The following SYNPO variants were observed in gnomAD, a reference collection of about 807,000 sequenced individuals.
The protein encoded by SYNPO is synaptopodin.
A neutral mutation model predicts 49.5 loss-of-function variants in SYNPO; 19 were observed. The ratio of observed to expected loss-of-function variants is 0.38; its 90% CI spans 0.27 to 0.56. The LOEUF (loss-of-function observed/expected upper bound fraction) is 0.56, where lower values mean the gene tolerates loss of function less well. Among genes scored for constraint, SYNPO ranks in the 20% least tolerant of loss-of-function variants. The probability of loss-of-function intolerance (pLI) is 0.68; values close to 1 mark genes in which losing one functional copy is unlikely to be tolerated. For missense variants in SYNPO, 1,131 were observed against 1,248.3 expected (o/e 0.91, Z 1.42); for synonymous variants, 536 against 548.0 (o/e 0.98, Z 0.31).
the SYNPO span, among the ~76,000 whole-genome samples, chr5:150,594,287 G>A: frequency 6.6e-6 from 1 of 152,168 alleles, no homozygotes; most frequent in African/African-American, 2.4e-5. Flanking sequence ...ACAAAAACTT[G>A]GGTCAGAGCT....
the SYNPO span, among the ~76,000 whole-genome samples, chr5:150,593,935 G>A: frequency 1.3e-5 from 2 of 152,272 alleles, no homozygotes; most frequent in African/African-American, 2.4e-5. Context: ...AAGACTTAGG[G>A]GGCTGCCAGC....
rs369728871 is a variant in SYNPO at position 150,656,828 on chromosome 5, C to A, written c.2453C>A (p.Ala818Glu). Residue 818 changes from alanine (A) to glutamate (E), a missense_variant, in exon 3 of 3, where the codon GCA (alanine) becomes GAA (glutamate). Ala to Glu is a moderately radical substitution (Grantham distance 107). This residue lies in a region of SYNPO where 509 missense variants were observed against 484.5 expected (regional missense o/e 1.05). Coordinates refer to ENST00000307662, the MANE Select transcript of SYNPO (RefSeq NM_007286.6). The part of the protein sequence containing the change: ...ARPGSAAVPG[A>E]AFAPIPRSPL... The stretch of plus-strand genomic sequence containing the variant: ...CCCGGCTCGGCTGCTGTGCCGGGGG[C>A]AGCCTTCGCGCCCATCCCGCGGAGC... 1 of 1,469,204 alleles carries A rather than the reference C, an allele frequency of 6.8e-7. No individual in the cohort carries two copies. The highest frequency in any genetic ancestry group is 2.0e-5 in the Admixed American group (1 of 48,826). The allele number at this position is 1,469,204 out of a possible 1,614,324, so 91.0% of individuals were successfully genotyped here.
rs760173528 is a variant in SYNPO at position 150,649,305 on chromosome 5, T to C, written c.1030T>C (p.Tyr344His). ...GTCTCCTCCCTCATATTCTGTCCTG[T>C]ATCCCAGCTCCGACCCCAAGTCTTC... The part of the protein sequence containing the change: ...VRSPPSYSVL[Y>H]PSSDPKSSHL... The change falls in exon 2 of 3, where the codon TAT becomes CAT. Residue 344 changes from tyrosine to histidine, a missense_variant. Tyr to His is a moderately conservative substitution (Grantham distance 83). Coordinates refer to ENST00000307662, the MANE Select transcript of SYNPO (RefSeq NM_007286.6). The C allele has an allele frequency of 2.5e-6, 4 of 1,614,186 alleles. No homozygotes were observed. Among genetic ancestry groups the C allele is most frequent in the Admixed American group, 3.3e-5 (2 of 60,022 alleles).
intron 1 of SYNPO, among the ~76,000 whole-genome samples, chr5:150,647,191 C>T (rs759833193): frequency 1.1e-4 from 16 of 150,510 alleles, no homozygotes; most frequent in African/African-American, 1.7e-4. Flanking sequence ...TGCAGTGAGC[C>T]GAGATTGCGC....
chr5:150,648,564 A>G lies in SYNPO; in HGVS notation c.289A>G (p.Asn97Asp). 1.9e-6 allele frequency: 3 copies of G among 1,614,200 alleles called. No individual in the cohort carries two copies. Among genetic ancestry groups the G allele is most frequent in the Non-Finnish European group, 2.5e-6 (3 of 1,180,046 alleles). Reference protein sequence around the residue: ...SSHNPPATDVNQNPPATVVPQ... With the variant: ...SSHNPPATDVDQNPPATVVPQ... Reference sequence around the variant, plus strand: ...CCACAATCCGCCAGCCACCGATGTCAATCAGAACCCACCGGCAACTGTTGT... The same window carrying G: ...CCACAATCCGCCAGCCACCGATGTCGATCAGAACCCACCGGCAACTGTTGT... The change falls in exon 2 of 3, where the codon AAT (asparagine) becomes GAT (aspartate). Residue 97 changes from asparagine to aspartate, a missense_variant. By Grantham distance (23) the Asn-to-Asp change is conservative (BLOSUM62 1). Coordinates refer to ENST00000307662, the MANE Select transcript of SYNPO (RefSeq NM_007286.6). The surrounding 1 kb of genome is among the most constrained non-coding windows in gnomAD (Gnocchi z 5.0).
In SYNPO at chr5:150,657,129, G is replaced by T; in HGVS notation, c.*42G>T. ...CCACCCCGGGAGGGCAGAGCCAGAA[G>T]AAGGCTCATTAGACCTGGGGGACCC... On this transcript the variant is annotated 3_prime_UTR_variant, in exon 3 of 3. Coordinates refer to ENST00000307662, the MANE Select transcript of SYNPO (RefSeq NM_007286.6). 1 of 1,538,534 alleles carries T rather than the reference G, an allele frequency of 6.5e-7. No individual in the cohort carries two copies. The highest frequency in any genetic ancestry group is 1.2e-5 in the South Asian group (1 of 83,252).
chr5:150,592,741 C>T, the SYNPO span, among the ~76,000 whole-genome samples: 5 of 152,208 alleles, frequency 3.3e-5, no homozygotes, highest in African/African-American at 4.8e-5. Flanking sequence ...TTCTGAAGAC[C>T]GGGGATCTTG....
At chr5:150,589,003 CT>C in the SYNPO span, among the ~76,000 whole-genome samples, 1 of 151,744 alleles carries the variant, frequency 6.6e-6, no homozygotes, top group Non-Finnish European at 1.5e-5. Context: ...CCATTGCTTC[CT>C]TTTTGTAAGT....
chr5:150,621,585 A>G (rs1271474792), intron 2 of SYNPO, among the ~76,000 whole-genome samples: 1 of 152,208 alleles, frequency 6.6e-6, no homozygotes, highest in Non-Finnish European at 1.5e-5. Flanking sequence ...TTACCGCCGA[A>G]GGATTATGAG....
rs138929940 is a variant in SYNPO at position 150,647,816 on chromosome 5, C to T, written c.-332-128C>T. 3.1e-3 allele frequency: 2,716 copies of T among 876,264 alleles called. 13 individuals are homozygous for T. The highest frequency in any genetic ancestry group is 3.6e-3 in the Non-Finnish European group (2,123 of 582,102). 54.3% of individuals were successfully genotyped at this position (876,264 alleles called of 1,614,324 possible). A position where few individuals can be genotyped will look rare whatever the true frequency, so the allele number is the denominator to read the frequency against. ...GCTAATTCTAAGAAACAGTGAGTGA[C>T]GATTAAATTCCAGAAGAGATCCTGT... On this transcript the variant is annotated intron_variant, in intron 1 of 2. Coordinates refer to ENST00000307662, the MANE Select transcript of SYNPO (RefSeq NM_007286.6).
rs1212812271 is a variant in SYNPO, at chr5:150,624,939, C to T, written c.400+6172C>T. On this transcript the variant is annotated intron_variant, in intron 2 of 2. Transcript: ENST00000394243. The stretch of plus-strand genomic sequence containing the variant: ...GAGGGGCGCTGGCCTGGCAGGGGTG[C>T]GGGCACCGCGCGAGCCTCGCCCCTT... 7 of 985,378 alleles carry T rather than the reference C, an allele frequency of 7.1e-6. No individual in the cohort carries two copies. The East Asian group carries it at 5.7e-4, about 80-fold the overall frequency. The allele number at this position is 985,378 out of a possible 1,614,324, so 61.0% of individuals were successfully genotyped here. A position where few individuals can be genotyped will look rare whatever the true frequency, so the allele number is the denominator to read the frequency against.
intron 1 of SYNPO, among the ~76,000 whole-genome samples, chr5:150,606,517 G>A (rs1455076040): frequency 2.6e-5 from 4 of 152,260 alleles, no homozygotes; most frequent in Admixed American, 6.5e-5. Context: ...GGCTGCCTGT[G>A]TGCAGAGCCG....
intron 1 of SYNPO, chr5:150,615,216 C>T (rs192963089): frequency 2.0e-5 from 3 of 152,350 alleles, no homozygotes; most frequent in Admixed American, 6.5e-5. Context: ...TGGGAGGGAA[C>T]CTTGAATTGG....
rs904033928 is a variant in SYNPO at position 150,601,445 on chromosome 5, T to G, written c.-266+257T>G. ...GGGCTTGGGGCTGGGGGAGAAAAGA[T>G]GCAGCTGGCCCCACCATGTGCCCCA... On this transcript the variant is annotated intron_variant, in intron 1 of 2. Transcript: ENST00000394243. Among the ~76,000 whole-genome samples the G allele has an allele frequency of 1.1e-4, 17 of 151,964 alleles. 1 individual carries two copies. Among genetic ancestry groups the G allele is most frequent in the Non-Finnish European group, 8.8e-5 (6 of 67,964 alleles).
At chr5:150,646,142 C>T (rs550453896) in intron 1 of SYNPO, among the ~76,000 whole-genome samples, 2 of 144,754 alleles carry the variant, frequency 1.4e-5, no homozygotes, top group Admixed American at 1.4e-4. Context: ...CCAGCCTGGG[C>T]AACACAGGGA....
chr5:150,640,535 A>C (rs1757864666), upstream of SYNPO: 1 of 549,230 alleles, frequency 1.8e-6, no homozygotes, highest in Non-Finnish European at 2.3e-6. Flanking sequence ...TTTGAGCAGG[A>C]GAGAGGCATG....
the SYNPO span, among the ~76,000 whole-genome samples, chr5:150,590,267 C>T: frequency 6.6e-6 from 1 of 152,232 alleles, no homozygotes; most frequent in Non-Finnish European, 1.5e-5. Context: ...TGCCTCTCCC[C>T]TACGTGCTCC....
At chr5:150,651,586 CCTGGG>C (rs139408467) in intron 2 of SYNPO, 54 of 1,003,312 alleles carry the variant, frequency 5.4e-5, no homozygotes, top group South Asian at 3.3e-4. Flanking sequence ...CCAAGGGATG[CCTGGG>C]CTGGGCTGGG....
chr5:150,606,117 C>A (rs947585210), intron 1 of SYNPO, among the ~76,000 whole-genome samples: 19 of 152,172 alleles, frequency 1.2e-4, no homozygotes, highest in African/African-American at 4.6e-4. Flanking sequence ...ATGCAGATAT[C>A]CACATAAACA....
Sources: gnomAD v4.1 joint callset for allele counts (sites outside exome capture counted in the v4.1 genomes callset) on GRCh38, gnomAD v4.1.1 for gene constraint, gnomAD v4.1.1 regional missense constraint, Gnocchi (gnomAD v3.1) non-coding constraint, MANE v1.5 for transcripts, NCBI Gene and HGNC (gene_info 2026-07-23, HGNC 2026-07-21) for gene names.